The following WNT9B variants were observed in gnomAD, a reference collection of about 807,000 sequenced individuals.
The protein encoded by WNT9B is protein Wnt-9b.
A neutral mutation model predicts 30.2 loss-of-function variants in WNT9B; 12 were observed. That is an observed-to-expected ratio of 0.40 (90% CI 0.26 to 0.64). The LOEUF is 0.64. WNT9B is among the 30% of genes least tolerant of loss of function. WNT9B has a pLI of 0.42. For synonymous variants in WNT9B, 218 were observed against 216.9 expected (o/e 1.01, Z -0.05); for missense variants, 442 against 485.2 (o/e 0.91, Z 0.84).
chr17:46,877,634 C>G lies in WNT9B; in HGVS notation c.*916C>G, dbSNP rs574229296. Among the ~76,000 whole-genome samples, 2 of 152,304 alleles carry G rather than the reference C, an allele frequency of 1.3e-5. No individual in the cohort carries two copies. The highest frequency in any genetic ancestry group is 3.9e-4 in the East Asian group (2 of 5,180). On this transcript the variant is annotated 3_prime_UTR_variant, in exon 4 of 4. Coordinates refer to ENST00000290015, the MANE Select transcript of WNT9B (RefSeq NM_003396.3). ...ACAGCTTCCTGGTGCCTGGCAGTGA[C>G]GTGGCGAGCTCAGTTTCTCAGCTGG...
At chr17:46,837,506 C>T (rs1166513637) in intron 1 of WNT9B, among the ~76,000 whole-genome samples, 3 of 152,190 alleles carry the variant, frequency 2.0e-5, no homozygotes, top group African/African-American at 7.2e-5. Context: ...ACTAGAACCC[C>T]ATGCAAGAGC....
At chr17:46,848,189 G>A (rs1003677086), upstream of WNT9B, among the ~76,000 whole-genome samples, 1 of 152,186 alleles carries the variant, frequency 6.6e-6, no homozygotes, top group Non-Finnish European at 1.5e-5. Context: ...GGAACAGTGG[G>A]GGTCTGTGTG....
rs117191669 is a variant in WNT9B at position 46,842,871 on chromosome 17, A to C, written c.95+9431A>C. Among the ~76,000 whole-genome samples the C allele has an allele frequency of 9.3e-3, 1,416 of 152,366 alleles. 12 individuals are homozygous for C. The highest frequency in any genetic ancestry group is 0.058 in the Middle Eastern group (17 of 294). On this transcript the variant is annotated intron_variant, in intron 1 of 2. Transcript: ENST00000575372. ...CTGGAAGATGTCCACATTCATCTTC[A>C]CATTTCTCACCACTGTTCTGTGAGG...
At chr17:46,849,105 C>T, upstream of WNT9B, among the ~76,000 whole-genome samples, 1 of 152,284 alleles carries the variant, frequency 6.6e-6, no homozygotes, top group Non-Finnish European at 1.5e-5. Flanking sequence ...CAGACAGAAA[C>T]CTGGTACAGT....
chr17:46,833,197 C>T (rs570761948), upstream of WNT9B: 15 of 393,262 alleles, frequency 3.8e-5, no homozygotes, highest in Admixed American at 1.1e-4. Flanking sequence ...GCACAGAGGA[C>T]GTCAGCAAAC....
chr17:46,851,625 G>A lies in WNT9B; in HGVS notation c.-14G>A. ...GCGCGAGGAGATGCTAGAGGGCGCA[G>A]CGCCGCCAGCACCATGCGCCCCCCG... On this transcript the variant is annotated 5_prime_UTR_variant, in exon 1 of 4. Transcript: ENST00000290015. This position sits in a 1 kb window ranked among gnomAD's most constrained non-coding sequence, Gnocchi z 4.3. 8.0e-7 allele frequency: 1 copy of A among 1,256,030 alleles called. No homozygotes were observed. Among genetic ancestry groups the A allele is most frequent in the Non-Finnish European group, 1.0e-6 (1 of 1,002,304 alleles). 77.8% of individuals were successfully genotyped at this position (1,256,030 alleles called of 1,614,324 possible).
At chr17:46,880,753 G>A (rs952765355), downstream of WNT9B, among the ~76,000 whole-genome samples, 12 of 152,130 alleles carry the variant, frequency 7.9e-5, no homozygotes, top group African/African-American at 2.9e-4. Flanking sequence ...TATAGGTCGG[G>A]CAGGGATGGA....
chr17:46,852,389 AGTGTGTGT>A (rs61138160), intron 1 of WNT9B, among the ~76,000 whole-genome samples: 8,151 of 105,286 alleles, frequency 0.077, 501 homozygotes, highest in African/African-American at 0.15. Flanking sequence ...GAGAGGGCCC[AGTGTGTGT>A]GTGTGTGTGT....
chr17:46,840,849 GT>G (rs1023934860), intron 1 of WNT9B, among the ~76,000 whole-genome samples: 1 of 152,160 alleles, frequency 6.6e-6, no homozygotes, highest in African/African-American at 2.4e-5. Context: ...TGATGGGGTT[GT>G]TTTTTCTTGT....
chr17:46,874,485 G>A (rs907512283), intron 2 of WNT9B, among the ~76,000 whole-genome samples: 2 of 152,214 alleles, frequency 1.3e-5, no homozygotes, highest in African/African-American at 4.8e-5. Flanking sequence ...TCTCTGAGAG[G>A]TGAAGGCCGT....
chr17:46,868,446 A>T (rs978259908), intron 1 of WNT9B, among the ~76,000 whole-genome samples: 1 of 151,494 alleles, frequency 6.6e-6, no homozygotes, highest in Non-Finnish European at 1.5e-5. Context: ...ACACAAAAAA[A>T]ATAGCTGGGC....
intron 1 of WNT9B, among the ~76,000 whole-genome samples, chr17:46,865,782 T>C (rs1432288994): frequency 1.3e-5 from 2 of 152,090 alleles, no homozygotes; most frequent in Non-Finnish European, 2.9e-5. Context: ...ATTTTTTAAT[T>C]TTTAATTTTG....
intron 1 of WNT9B, among the ~76,000 whole-genome samples, chr17:46,852,177 G>C (rs1458746591): frequency 1.3e-5 from 2 of 152,258 alleles, no homozygotes; most frequent in Non-Finnish European, 2.9e-5. Context: ...GCGGAGCGGA[G>C]ACCGAGAGGG....
upstream of WNT9B, among the ~76,000 whole-genome samples, chr17:46,849,486 C>G (rs979737271): frequency 6.6e-6 from 1 of 152,188 alleles, no homozygotes; most frequent in East Asian, 1.9e-4. Flanking sequence ...TGTCTGCCAC[C>G]CCAGTCCATG....
intron 2 of WNT9B, among the ~76,000 whole-genome samples, chr17:46,874,615 T>A (rs2085312370): frequency 6.6e-6 from 1 of 152,186 alleles, no homozygotes; most frequent in Admixed American, 6.5e-5. Context: ...TCTCCCTCTG[T>A]CACCCAGGCT....
chr17:46,839,824 G>A (rs2084678189), intron 1 of WNT9B, among the ~76,000 whole-genome samples: 1 of 152,070 alleles, frequency 6.6e-6, no homozygotes, highest in Non-Finnish European at 1.5e-5. Flanking sequence ...ATGGTTTCCA[G>A]CTTCATCCGT....
At chr17:46,883,648 G>A (rs1286144285), downstream of WNT9B, among the ~76,000 whole-genome samples, 1 of 152,206 alleles carries the variant, frequency 6.6e-6, no homozygotes, top group Non-Finnish European at 1.5e-5. Context: ...TACACAATAA[G>A]TAGCAGGGCT....
At chr17:46,870,208 A>G (rs1310458886) in intron 1 of WNT9B, among the ~76,000 whole-genome samples, 1 of 152,146 alleles carries the variant, frequency 6.6e-6, no homozygotes, top group African/African-American at 2.4e-5. Flanking sequence ...GAAACACAGG[A>G]ATTGTGTGAG....
intron 1 of WNT9B, among the ~76,000 whole-genome samples, chr17:46,865,752 C>T (rs547794307): frequency 7.9e-5 from 12 of 152,188 alleles, no homozygotes; most frequent in East Asian, 7.7e-4. Context: ...ACCACAGGCA[C>T]GTGCCACCAT....
Sources: allele counts gnomAD v4.1 joint callset (sites outside exome capture counted in the v4.1 genomes callset), GRCh38; gene constraint gnomAD v4.1.1; non-coding constraint Gnocchi (gnomAD v3.1); transcripts MANE v1.5; gene names NCBI Gene and HGNC (gene_info 2026-07-23, HGNC 2026-07-21).